Variants in USH2A observed in about 807,000 individuals in gnomAD.
USH2A encodes usherin.
A neutral mutation model predicts 538.9 loss-of-function variants in USH2A; 443 were observed. That is an observed-to-expected ratio of 0.82 (90% CI 0.76 to 0.89). The LOEUF (loss-of-function observed/expected upper bound fraction) is 0.89. USH2A is among the 40% of genes least tolerant of loss of function. USH2A has a pLI of 0.00. For missense variants in USH2A, 6,633 were observed against 6,324.8 expected (o/e 1.05, Z -1.65); for synonymous variants, 2,413 against 2,273.5 (o/e 1.06, Z -1.75).
chr1:215,627,410 T>A (rs887729851), intron 71 of USH2A, among the ~76,000 whole-genome samples: 1 of 105,508 alleles, frequency 9.5e-6, no homozygotes, highest in African/African-American at 3.6e-5. Flanking sequence ...CCTTCCTTCC[T>A]TCCTTCCTTC....
chr1:216,227,604 A>G (rs2035586815), intron 14 of USH2A, among the ~76,000 whole-genome samples: 1 of 152,212 alleles, frequency 6.6e-6, no homozygotes, highest in African/African-American at 2.4e-5. Context: ...GGTTATTTTT[A>G]GGCAAAAATA....
intron 19 of USH2A, among the ~76,000 whole-genome samples, chr1:216,194,768 C>A (rs2034800063): frequency 6.6e-6 from 1 of 152,066 alleles, no homozygotes; most frequent in Non-Finnish European, 1.5e-5. Context: ...CTGAAGGGAG[C>A]ATATTCCACA....
At position 215,901,350 on chromosome 1, in the gene USH2A, A is replaced by G. The variant is rs541715056; in HGVS notation, c.7301-445T>C. ...TAATCACACCACTACATGTGAACAC[A>G]ATGGCTTTCTTTTCCTTTCTTTTTT... is the stretch of plus-strand genomic sequence containing the variant. On this transcript the variant is annotated intron_variant, in intron 38 of 71. Coordinates refer to ENST00000307340, the MANE Select transcript of USH2A (RefSeq NM_206933.4). 10 of 192,262 alleles carry G rather than the reference A, an allele frequency of 5.2e-5. No individual in the cohort carries two copies. In the East Asian group the frequency reaches 1.4e-3, roughly 26 times the overall value. The allele number at this position is 192,262 out of a possible 1,614,324, so 11.9% of individuals were successfully genotyped here. A position where few individuals can be genotyped will look rare whatever the true frequency, so the allele number is the denominator to read the frequency against.
chr1:215,662,322 A>G (rs887127351), intron 64 of USH2A, among the ~76,000 whole-genome samples: 1 of 152,206 alleles, frequency 6.6e-6, no homozygotes, highest in Non-Finnish European at 1.5e-5. Flanking sequence ...CAAACTTCCA[A>G]CACAGAGACA....
intron 51 of USH2A, among the ~76,000 whole-genome samples, chr1:215,788,397 G>A (rs1029085652): frequency 2.0e-5 from 3 of 151,996 alleles, no homozygotes; most frequent in Admixed American, 1.3e-4. Flanking sequence ...CCCCTCTTGC[G>A]CCTTTTCCAT....
At chr1:215,850,089 A>G (rs948028594) in intron 44 of USH2A, among the ~76,000 whole-genome samples, 16 of 152,192 alleles carry the variant, frequency 1.1e-4, no homozygotes, top group African/African-American at 3.9e-4. Flanking sequence ...AGAATTGCTG[A>G]TAAGTACTGA....
At position 216,364,931 on chromosome 1, in the gene USH2A, C is replaced by A. The variant is rs113005314; in HGVS notation, c.784+22G>T. 3.2e-4 allele frequency: 509 copies of A among 1,612,834 alleles called. 2 individuals carry two copies. In the African/African-American group the frequency reaches 5.9e-3, roughly 19 times the overall value. ...CAATGTAATTGGATGAAATAAATAA[C>A]ATTCTGAAGTCAGAAACTTACCATT... On this transcript the variant is annotated intron_variant, in intron 4 of 71. Coordinates refer to ENST00000307340, the MANE Select transcript of USH2A (RefSeq NM_206933.4).
At chr1:215,947,770 T>C (rs1285054345) in intron 37 of USH2A, among the ~76,000 whole-genome samples, 2 of 152,214 alleles carry the variant, frequency 1.3e-5, no homozygotes, top group Non-Finnish European at 1.5e-5. Flanking sequence ...TCCGCTGGCA[T>C]AAAAAAGCTT....
chr1:215,633,202 C>G (rs1451094323), intron 70 of USH2A, among the ~76,000 whole-genome samples: 1 of 152,120 alleles, frequency 6.6e-6, no homozygotes, highest in South Asian at 2.1e-4. Context: ...GCAGTAATGG[C>G]CCTGTGGTTA....
At chr1:216,085,007 A>G (rs2032084229) in intron 24 of USH2A, 130 bp from the exon 25 acceptor site, 2 of 836,486 alleles carry the variant, frequency 2.4e-6, no homozygotes, top group Admixed American at 2.1e-5. Flanking sequence ...AAGCCTCTTA[A>G]TGATTCATGT....
At chr1:216,174,036 T>TGA in intron 21 of USH2A, 2 of 985,234 alleles carry the variant, frequency 2.0e-6, no homozygotes, top group Non-Finnish European at 2.4e-6. Context: ...TTTGATGTAC[T>TGA]GAGAGAGTAG....
chr1:216,088,886 A>G (rs1269772498), intron 23 of USH2A, 127 bp downstream of exon 23: 20 of 1,427,402 alleles, frequency 1.4e-5, no homozygotes, highest in Non-Finnish European at 1.8e-5. Context: ...AGGCAAATTC[A>G]ACAGCAATAT....
intron 61 of USH2A, among the ~76,000 whole-genome samples, chr1:215,714,218 G>T (rs185757001): frequency 3.6e-4 from 55 of 152,260 alleles, no homozygotes; most frequent in Admixed American, 3.5e-3. Flanking sequence ...ATGATTACAG[G>T]TTAGCAAGAA....
intron 61 of USH2A, among the ~76,000 whole-genome samples, chr1:215,718,913 A>C (rs1659572063): frequency 6.6e-6 from 1 of 152,212 alleles, no homozygotes; most frequent in South Asian, 2.1e-4. Context: ...AGTTCATTTT[A>C]CTTTCACAGA....
At chr1:215,869,858 T>C (rs905405479) in intron 43 of USH2A, among the ~76,000 whole-genome samples, 2 of 152,238 alleles carry the variant, frequency 1.3e-5, no homozygotes, top group African/African-American at 2.4e-5. Flanking sequence ...TTAGTTTTTA[T>C]AATACTTTAA....
rs73092457 is a variant in USH2A at position 215,966,398 on chromosome 1, A to G, written c.6958-919T>C. On this transcript the variant is annotated intron_variant, in intron 36 of 71. Transcript: ENST00000307340. ...ATATTTGACCTTTCACAATTTACTA[A>G]ATATGTGATAATTTCAACTTTATTC... Among the ~76,000 whole-genome samples, 989 of 152,292 alleles carry G rather than the reference A, an allele frequency of 6.5e-3. 11 individuals are homozygous for G. Among genetic ancestry groups the G allele is most frequent in the African/African-American group, 0.022 (935 of 41,558 alleles).
chr1:216,028,277 A>G (rs1193556921), intron 32 of USH2A, among the ~76,000 whole-genome samples: 1 of 152,036 alleles, frequency 6.6e-6, no homozygotes, highest in Non-Finnish European at 1.5e-5. Context: ...AATCGCAGCT[A>G]CTCAGGAGAC....
chr1:216,327,259 G>T (rs1044453072), intron 5 of USH2A, among the ~76,000 whole-genome samples: 7 of 152,112 alleles, frequency 4.6e-5, no homozygotes, highest in Admixed American at 1.3e-4. Flanking sequence ...AGATGTAGAA[G>T]TTTCTCAAGT....
intron 47 of USH2A, 63 bp from the exon 48 acceptor site, chr1:215,817,258 C>T (rs2102796645): frequency 6.6e-7 from 1 of 1,522,756 alleles, no homozygotes; most frequent in African/African-American, 1.4e-5. Flanking sequence ...TGCTATCAGT[C>T]TTAAGTAAAA....
Sources: allele counts gnomAD v4.1 joint callset (sites outside exome capture counted in the v4.1 genomes callset), GRCh38; gene constraint gnomAD v4.1.1; transcripts MANE v1.5; gene names NCBI Gene and HGNC (gene_info 2026-07-23, HGNC 2026-07-21).